The following BBS9 variants were observed in gnomAD, a reference collection of about 807,000 sequenced individuals.
BBS9 encodes protein PTHB1.
In BBS9, 89 loss-of-function variants were observed where a neutral mutation model predicts 117.7. The ratio of observed to expected loss-of-function variants is 0.76; its 90% CI spans 0.64 to 0.90. The LOEUF is 0.90. BBS9 is among the 40% of genes least tolerant of loss of function. BBS9 has a pLI of 0.00. For synonymous variants in BBS9, 379 were observed against 370.9 expected (o/e 1.02, Z -0.25); for missense variants, 982 against 1,042.2 (o/e 0.94, Z 0.80).
At chr7:33,590,477 T>A (rs891553353) in intron 21 of BBS9, among the ~76,000 whole-genome samples, 1 of 150,112 alleles carries the variant, frequency 6.7e-6, no homozygotes, top group East Asian at 1.9e-4. Flanking sequence ...TTTTTTTTTT[T>A]ACCAGATCAG....
At chr7:33,225,389 G>A (rs189017616) in intron 5 of BBS9, among the ~76,000 whole-genome samples, 19 of 152,170 alleles carry the variant, frequency 1.2e-4, no homozygotes, top group Non-Finnish European at 1.8e-4. Flanking sequence ...CATAGAGATG[G>A]GGTCTTGCTA....
intron 21 of BBS9, among the ~76,000 whole-genome samples, chr7:33,599,763 G>A (rs1467167858): frequency 6.6e-6 from 1 of 152,110 alleles, no homozygotes; most frequent in Non-Finnish European, 1.5e-5. Flanking sequence ...TAACTTAATT[G>A]TAATAGGGCT....
At chr7:33,522,081 A>AT (rs993854106) in intron 20 of BBS9, among the ~76,000 whole-genome samples, 2 of 151,460 alleles carry the variant, frequency 1.3e-5, no homozygotes, top group Admixed American at 6.6e-5. Flanking sequence ...TGAATTCATC[A>AT]TTTTTTATGG....
At chr7:33,557,540 C>A (rs1040225043) in intron 21 of BBS9, among the ~76,000 whole-genome samples, 1 of 108 alleles carries the variant, frequency 9.3e-3, no homozygotes, top group African/African-American at 0.038. Context: ...CATTTAGTTT[C>A]ATTCCTTTGC....
At chr7:33,544,696 GA>G (rs1852994852) in intron 21 of BBS9, among the ~76,000 whole-genome samples, 1 of 152,192 alleles carries the variant, frequency 6.6e-6, no homozygotes, top group Non-Finnish European at 1.5e-5. Context: ...GTACTTTCCA[GA>G]AAGCATCAGC....
intron 21 of BBS9, among the ~76,000 whole-genome samples, chr7:33,565,844 T>TATATATATATATATATATATATA (rs5883407): frequency 1.1e-4 from 9 of 80,036 alleles, no homozygotes; most frequent in African/African-American, 3.1e-4. Context: ...TATATACTGC[T>TATATATATATATATATATATATA]TATATATATA....
chr7:33,130,048 T>C lies in BBS9; in HGVS notation c.-12+7T>C, dbSNP rs1468797. 0.15 allele frequency: 23,567 copies of C among 152,182 alleles called. 2,033 individuals are homozygous for C. The highest frequency in any genetic ancestry group is 0.21 in the South Asian group (1,035 of 4,822). The allele number at this position is 152,182 out of a possible 1,614,324, so 9.4% of individuals were successfully genotyped here. On this transcript the variant is annotated splice_region_variant and intron_variant, in intron 1 of 22. Coordinates refer to ENST00000242067, the MANE Select transcript of BBS9 (RefSeq NM_198428.3). ...TCATCTGACGTGGCATCAGGTAAGA[T>C]GGTATGTCTGTTGTTAAACTTCGGG... is the stretch of plus-strand genomic sequence containing the variant.
intron 5 of BBS9, among the ~76,000 whole-genome samples, chr7:33,242,206 T>G (rs73097274): frequency 3.9e-5 from 6 of 152,252 alleles, no homozygotes; most frequent in African/African-American, 7.2e-5. Context: ...GGATAGATTT[T>G]TTTTTCCTTC....
intron 19 of BBS9, among the ~76,000 whole-genome samples, chr7:33,405,693 C>G (rs1829808803): frequency 6.6e-6 from 1 of 151,774 alleles, no homozygotes; most frequent in Non-Finnish European, 1.5e-5. Context: ...TGGTGGTATC[C>G]CTTTTATCAT....
At position 33,236,644 on chromosome 7, in the gene BBS9, T is replaced by C. The variant is rs904776621; in HGVS notation, c.443-20592T>C. Among the ~76,000 whole-genome samples, 12 of 152,212 alleles carry C rather than the reference T, an allele frequency of 7.9e-5. No individual in the cohort carries two copies. In the South Asian group the frequency reaches 2.3e-3, roughly 29 times the overall value. On this transcript the variant is annotated intron_variant, in intron 5 of 22. Coordinates refer to ENST00000242067, the MANE Select transcript of BBS9 (RefSeq NM_198428.3). Reference sequence around the variant, plus strand: ...CTAGTAGGATTGTTATTGTTTTTAATGTATTTTAATTGACAATTTTATATA... The same window carrying C: ...CTAGTAGGATTGTTATTGTTTTTAACGTATTTTAATTGACAATTTTATATA...
chr7:33,184,799 A>G (rs1053575016), intron 5 of BBS9, among the ~76,000 whole-genome samples: 1 of 152,248 alleles, frequency 6.6e-6, no homozygotes, highest in African/African-American at 2.4e-5. Context: ...GCAAGTTCAT[A>G]GAGTAAAGTG....
intron 5 of BBS9, among the ~76,000 whole-genome samples, chr7:33,204,565 CTTA>C (rs1164697730): frequency 1.3e-5 from 2 of 151,882 alleles, no homozygotes; most frequent in Non-Finnish European, 2.9e-5. Context: ...ATTTTGAGGG[CTTA>C]TTAAGAGAGA....
intron 18 of BBS9, among the ~76,000 whole-genome samples, chr7:33,386,716 G>A (rs1168829108): frequency 2.6e-5 from 4 of 151,662 alleles, no homozygotes; most frequent in Non-Finnish European, 4.4e-5. Flanking sequence ...GGATGGTCTC[G>A]ATCTCCTGAC....
intron 19 of BBS9, among the ~76,000 whole-genome samples, chr7:33,485,672 G>A (rs966281995): frequency 6.6e-6 from 1 of 152,140 alleles, no homozygotes; most frequent in African/African-American, 2.4e-5. Flanking sequence ...TTTCTTCTGA[G>A]TCTTTATAAG....
intron 17 of BBS9, among the ~76,000 whole-genome samples, chr7:33,382,459 CAAAAAAA>C (rs113930733): frequency 8.2e-6 from 1 of 122,628 alleles, no homozygotes; most frequent in Non-Finnish European, 1.7e-5. Flanking sequence ...GACCCTGTCT[CAAAAAAA>C]AAAAAAAAAA....
At chr7:33,600,005 G>A (rs1863551443) in intron 21 of BBS9, among the ~76,000 whole-genome samples, 1 of 152,128 alleles carries the variant, frequency 6.6e-6, no homozygotes, top group African/African-American at 2.4e-5. Context: ...AACATAAGTT[G>A]GGAAAGCCCA....
intron 19 of BBS9, among the ~76,000 whole-genome samples, chr7:33,413,898 C>T (rs1458960017): frequency 6.6e-6 from 1 of 152,088 alleles, no homozygotes; most frequent in Non-Finnish European, 1.5e-5. Context: ...GTGGTGCATG[C>T]CTGTAATCCC....
At chr7:33,313,770 A>C (rs1296123276) in intron 9 of BBS9, among the ~76,000 whole-genome samples, 2 of 152,198 alleles carry the variant, frequency 1.3e-5, no homozygotes, top group Admixed American at 1.3e-4. Flanking sequence ...TAAGTAATCC[A>C]GCTCTTGATT....
chr7:33,604,318 G>A (rs1194726846), intron 21 of BBS9, among the ~76,000 whole-genome samples: 1 of 152,174 alleles, frequency 6.6e-6, no homozygotes, highest in Non-Finnish European at 1.5e-5. Flanking sequence ...CCACAATGCA[G>A]TTCATGACTT....
Sources: allele counts gnomAD v4.1 joint callset (sites outside exome capture counted in the v4.1 genomes callset), GRCh38; gene constraint gnomAD v4.1.1; transcripts MANE v1.5; gene names NCBI Gene and HGNC (gene_info 2026-07-23, HGNC 2026-07-21).